The following DPY19L1 variants were observed in gnomAD, a reference collection of about 807,000 sequenced individuals.
DPY19L1 encodes the protein dpy-19 like C-mannosyltransferase 1.
A neutral mutation model predicts 96.9 loss-of-function variants in DPY19L1; 35 were observed. That is an observed-to-expected ratio of 0.36 (90% CI 0.28 to 0.48). The LOEUF (loss-of-function observed/expected upper bound fraction) is 0.48. Ranked by LOEUF, DPY19L1 falls within the 20% of genes least tolerant of loss-of-function variation. DPY19L1 has a pLI of 0.99. For synonymous variants in DPY19L1, 205 were observed against 252.6 expected (o/e 0.81, Z 1.79); for missense variants, 521 against 777.9 (o/e 0.67, Z 3.93).
rs185626172 is a variant in DPY19L1, at chr7:34,980,675, C to T, written c.823-7070G>A. 2.3e-3 allele frequency among the ~76,000 whole-genome samples: 345 copies of T among 152,110 alleles called. 1 individual carries two copies. Among genetic ancestry groups the T allele is most frequent in the African/African-American group, 8.1e-3 (335 of 41,490 alleles). On this transcript the variant is annotated intron_variant, in intron 7 of 21. Coordinates refer to ENST00000638088, the MANE Select transcript of DPY19L1 (RefSeq NM_001366673.1). The stretch of plus-strand genomic sequence containing the variant: ...AAAGAGAGTATCTAAATCCGATAAG[C>T]CATATTAAAAGGTGCTCAATATCAT...
At chr7:34,952,456 A>C (rs1228488184) in intron 13 of DPY19L1, among the ~76,000 whole-genome samples, 1 of 152,184 alleles carries the variant, frequency 6.6e-6, no homozygotes, top group African/African-American at 2.4e-5. Context: ...AAATTCTACC[A>C]AACATTTAAG....
chr7:34,948,830 C>T (rs1467338136), intron 14 of DPY19L1, among the ~76,000 whole-genome samples: 4 of 152,170 alleles, frequency 2.6e-5, no homozygotes, highest in Middle Eastern at 3.2e-3. Context: ...AACCATTTGC[C>T]GGAACACAAT....
chr7:34,992,165 C>A (rs556382774), intron 6 of DPY19L1, among the ~76,000 whole-genome samples: 3 of 152,252 alleles, frequency 2.0e-5, no homozygotes, highest in South Asian at 4.2e-4. Context: ...ATGTGCTTTT[C>A]AAATTTTCTC....
At chr7:35,021,356 G>A (rs78341023) in intron 1 of DPY19L1, among the ~76,000 whole-genome samples, 16 of 152,254 alleles carry the variant, frequency 1.1e-4, no homozygotes, top group Non-Finnish European at 2.4e-4. Flanking sequence ...AAGGATGGGA[G>A]GTGCAAGAGG....
chr7:34,963,481 TACTGAAAACA>T (rs755040459), intron 10 of DPY19L1, among the ~76,000 whole-genome samples: 15 of 152,204 alleles, frequency 9.9e-5, no homozygotes, highest in Non-Finnish European at 1.5e-4. Context: ...TCTGGGTACA[TACTGAAAACA>T]ACTGAAAACA....
chr7:34,976,822 C>T (rs760575971), intron 7 of DPY19L1, among the ~76,000 whole-genome samples: 2 of 152,108 alleles, frequency 1.3e-5, no homozygotes, highest in East Asian at 1.9e-4. Context: ...TTCATTCTGC[C>T]GCCCAGGCTG....
chr7:35,000,372 A>G (rs1400524746), intron 6 of DPY19L1: 2 of 152,244 alleles, frequency 1.3e-5, no homozygotes, highest in African/African-American at 4.8e-5. Context: ...ATGCGAAGGT[A>G]TGGAGTTACA....
chr7:35,014,083 T>G (rs547524674), intron 3 of DPY19L1, among the ~76,000 whole-genome samples: 2 of 152,212 alleles, frequency 1.3e-5, no homozygotes, highest in Admixed American at 1.3e-4. Context: ...CCAAGAAATC[T>G]CAAGCCAAAA....
At chr7:35,026,329 G>A (rs1786119456) in intron 1 of DPY19L1, among the ~76,000 whole-genome samples, 1 of 152,152 alleles carries the variant, frequency 6.6e-6, no homozygotes, top group South Asian at 2.1e-4. Context: ...GATGCCTGAG[G>A]TGATTCATAG....
At chr7:35,030,588 G>A (rs779996394) in intron 1 of DPY19L1, among the ~76,000 whole-genome samples, 9 of 152,044 alleles carry the variant, frequency 5.9e-5, no homozygotes, top group Admixed American at 2.6e-4. Context: ...GATAGTGATC[G>A]TGCTGAAAAA....
intron 6 of DPY19L1, among the ~76,000 whole-genome samples, chr7:34,992,532 A>T (rs1420057062): frequency 7.0e-6 from 1 of 142,692 alleles, no homozygotes; most frequent in Non-Finnish European, 1.5e-5. Context: ...TCAGGCACAA[A>T]ACCTTCCTGC....
rs1783981398 is a variant in DPY19L1, at chr7:34,940,450, C to T, written c.1690-123G>A. 40 of 746,514 alleles carry T rather than the reference C, an allele frequency of 5.4e-5. No homozygotes were observed. In the East Asian group the frequency reaches 1.2e-3, roughly 23 times the overall value. The allele number at this position is 746,514 out of a possible 1,614,324, so 46.2% of individuals were successfully genotyped here. A position where few individuals can be genotyped will look rare whatever the true frequency, so the allele number is the denominator to read the frequency against. On this transcript the variant is annotated intron_variant, in intron 18 of 21. Coordinates refer to ENST00000638088, the MANE Select transcript of DPY19L1 (RefSeq NM_001366673.1). ...GAGTCCCAAATAAAGGATTAATTAT[C>T]CTAAAGAAAAAGCCCCAAAATAATA...
chr7:35,007,113 C>A (rs1785578901), intron 6 of DPY19L1, among the ~76,000 whole-genome samples: 1 of 152,006 alleles, frequency 6.6e-6, no homozygotes, highest in Non-Finnish European at 1.5e-5. Flanking sequence ...AATCTGAAAC[C>A]TCTAAATGTA....
At chr7:35,006,360 T>C (rs1260497437) in intron 6 of DPY19L1, among the ~76,000 whole-genome samples, 3 of 152,230 alleles carry the variant, frequency 2.0e-5, no homozygotes, top group Admixed American at 1.3e-4. Flanking sequence ...CTGCTTGATA[T>C]CTGCCTTAGA....
chr7:34,971,704 C>G (rs1185126453), intron 8 of DPY19L1, among the ~76,000 whole-genome samples: 1 of 152,064 alleles, frequency 6.6e-6, no homozygotes, highest in African/African-American at 2.4e-5. Context: ...TGATAAGAGA[C>G]TAAAGAAAAC....
chr7:34,974,744 G>A (rs527884803), intron 7 of DPY19L1, among the ~76,000 whole-genome samples: 3 of 152,058 alleles, frequency 2.0e-5, no homozygotes, highest in Non-Finnish European at 2.9e-5. Flanking sequence ...CACAGATAAC[G>A]TCTGTCACAA....
At chr7:34,938,506 CAT>C (rs1409232238) in intron 20 of DPY19L1, among the ~76,000 whole-genome samples, 5 of 152,170 alleles carry the variant, frequency 3.3e-5, no homozygotes, top group Non-Finnish European at 7.3e-5. Flanking sequence ...CCAACTTAGA[CAT>C]CAACAATAAT....
chr7:34,967,821 A>T (rs1784643321), intron 9 of DPY19L1, among the ~76,000 whole-genome samples: 1 of 152,164 alleles, frequency 6.6e-6, no homozygotes, highest in Non-Finnish European at 1.5e-5. Flanking sequence ...ATCTACAACA[A>T]ATTTTTCCAT....
At chr7:35,027,525 T>A (rs1786152906) in intron 1 of DPY19L1, among the ~76,000 whole-genome samples, 1 of 151,962 alleles carries the variant, frequency 6.6e-6, no homozygotes, top group Non-Finnish European at 1.5e-5. Context: ...GAAGCAAGAT[T>A]GCTTTTAAAA....
Sources: allele counts gnomAD v4.1 joint callset (sites outside exome capture counted in the v4.1 genomes callset), GRCh38; gene constraint gnomAD v4.1.1; transcripts MANE v1.5; gene names NCBI Gene and HGNC (gene_info 2026-07-23, HGNC 2026-07-21).